Variants in DOCK2 observed in about 807,000 individuals in gnomAD.
DOCK2 encodes dedicator of cytokinesis 2.
In DOCK2, 87 loss-of-function variants were observed where a neutral mutation model predicts 248.9. The observed-to-expected ratio is 0.35, with a 90% CI of 0.29 to 0.42. DOCK2 has a LOEUF of 0.42. Ranked by LOEUF, DOCK2 falls within the 10% of genes least tolerant of loss-of-function variation. DOCK2 has a pLI of 1.00. For synonymous variants in DOCK2, 805 were observed against 821.6 expected (o/e 0.98, Z 0.35); for missense variants, 1,747 against 2,300.2 (o/e 0.76, Z 4.92).
intron 27 of DOCK2, among the ~76,000 whole-genome samples, chr5:169,941,144 A>G (rs1447569985): frequency 6.6e-6 from 1 of 152,154 alleles, no homozygotes; most frequent in Non-Finnish European, 1.5e-5. Flanking sequence ...GTGTCGGGAG[A>G]GCAGATAACA....
At chr5:169,686,441 G>A (rs1759987707) in intron 8 of DOCK2, among the ~76,000 whole-genome samples, 1 of 152,218 alleles carries the variant, frequency 6.6e-6, no homozygotes, top group Admixed American at 6.5e-5. Context: ...CTCTGAGAGT[G>A]CTGGAGACGA....
At chr5:169,694,480 G>C (rs1357949234) in intron 9 of DOCK2, among the ~76,000 whole-genome samples, 1 of 152,228 alleles carries the variant, frequency 6.6e-6, no homozygotes, top group Non-Finnish European at 1.5e-5. Context: ...TTTGGTGTCA[G>C]GGACTGGGCT....
At chr5:169,797,777 GA>G (rs1766744067) in intron 25 of DOCK2, among the ~76,000 whole-genome samples, 1 of 152,144 alleles carries the variant, frequency 6.6e-6, no homozygotes, top group Non-Finnish European at 1.5e-5. Flanking sequence ...TTCAGGGTGT[GA>G]ACTATTTATC....
intron 26 of DOCK2, among the ~76,000 whole-genome samples, chr5:169,805,327 A>G (rs766774214): frequency 6.6e-6 from 1 of 152,018 alleles, no homozygotes; most frequent in Non-Finnish European, 1.5e-5. Context: ...CCTTGAGCCC[A>G]GGAGTTCAAG....
chr5:169,867,784 T>TG (rs1476994686), intron 27 of DOCK2, among the ~76,000 whole-genome samples: 3 of 152,188 alleles, frequency 2.0e-5, no homozygotes, highest in Non-Finnish European at 4.4e-5. Context: ...CCTATTTGTC[T>TG]GGGGTGTGGT....
intron 1 of DOCK2, among the ~76,000 whole-genome samples, chr5:169,652,889 A>G (rs1347026771): frequency 2.0e-5 from 3 of 152,214 alleles, no homozygotes; most frequent in Non-Finnish European, 2.9e-5. Context: ...TTAGACACAG[A>G]GCAGCATTGG....
At chr5:169,734,443 G>A (rs969028687) in intron 22 of DOCK2, among the ~76,000 whole-genome samples, 1 of 152,028 alleles carries the variant, frequency 6.6e-6, no homozygotes, top group Non-Finnish European at 1.5e-5. Flanking sequence ...ATTTCCTAAA[G>A]CTAATTGTCC....
At chr5:169,898,346 C>G (rs1011609179) in intron 27 of DOCK2, among the ~76,000 whole-genome samples, 1 of 152,180 alleles carries the variant, frequency 6.6e-6, no homozygotes, top group African/African-American at 2.4e-5. Context: ...CCCACAGCAG[C>G]CAGGTGTACT....
At position 170,019,089 on chromosome 5, in the gene DOCK2, G is replaced by T; in HGVS notation, c.3362G>T (p.Arg1121Ile). The T allele has an allele frequency of 6.2e-7, 1 of 1,614,032 alleles. No homozygotes were observed. Among genetic ancestry groups the T allele is most frequent in the Non-Finnish European group, 8.5e-7 (1 of 1,179,942 alleles). Residue 1121 changes from arginine (R) to isoleucine (I), a missense_variant, in exon 33 of 52, where the codon AGA becomes ATA. Arg to Ile is a moderately conservative substitution (Grantham distance 97, BLOSUM62 -3). Coordinates refer to ENST00000520908, the MANE Select transcript of DOCK2 (RefSeq NM_004946.3). ...FFDMMLCEYQ[R>I]SGDFKKFENE... ...GACATGATGCTGTGTGAATATCAAA[G>T]AAGTGGGGATTTCAAAAAGGTAAAA...
Position 169,699,453 on chromosome 5 carries a change from G to A in DOCK2, c.1127G>A (p.Gly376Glu), listed in dbSNP as rs1561612531. The change falls in exon 12 of 52, where the codon GGG (glycine) becomes GAG (glutamate). Residue 376 changes from glycine to glutamate, a missense_variant. This residue lies in a region of DOCK2 where 375 missense variants were observed against 510.9 expected (regional missense o/e 0.73). Transcript: ENST00000520908. The stretch of plus-strand genomic sequence containing the variant: ...ATAGCCTCCAAGGGGGACAGTGGAG[G>A]GCAAGGTAAAGTGCCAATATGCCAG... ...KVIASKGDSGGQGLWVTMKML... is the reference protein window; with the variant it reads ...KVIASKGDSGEQGLWVTMKML... The A allele has an allele frequency of 1.2e-6, 2 of 1,612,388 alleles. No homozygotes were observed. The highest frequency in any genetic ancestry group is 1.1e-5 in the South Asian group (1 of 90,856).
chr5:169,894,950 G>A (rs1018275273), intron 27 of DOCK2, among the ~76,000 whole-genome samples: 6 of 152,164 alleles, frequency 3.9e-5, no homozygotes, highest in Non-Finnish European at 7.3e-5. Context: ...GTGGCCCCCC[G>A]TGAGGTCTGC....
At chr5:169,829,659 A>G (rs1769101195) in intron 26 of DOCK2, among the ~76,000 whole-genome samples, 2 of 152,262 alleles carry the variant, frequency 1.3e-5, no homozygotes. Flanking sequence ...AGTATTAAGT[A>G]TCAAAATTGA....
chr5:169,973,316 G>A (rs1313288725), intron 27 of DOCK2, among the ~76,000 whole-genome samples: 1 of 152,128 alleles, frequency 6.6e-6, no homozygotes, highest in African/African-American at 2.4e-5. Context: ...TCCTCTACAA[G>A]TGAACCAGAA....
intron 26 of DOCK2, among the ~76,000 whole-genome samples, chr5:169,828,590 A>AT (rs577132651): frequency 6.3e-4 from 96 of 152,218 alleles, no homozygotes; most frequent in African/African-American, 2.2e-3. Flanking sequence ...GATTAAGGGT[A>AT]TTTTCACTGT....
At chr5:169,947,789 G>A (rs182123174) in intron 27 of DOCK2, among the ~76,000 whole-genome samples, 1 of 152,284 alleles carries the variant, frequency 6.6e-6, no homozygotes, top group African/African-American at 2.4e-5. Flanking sequence ...ATCCTTCACT[G>A]TCATGGTGCC....
chr5:169,681,780 C>A lies in DOCK2; in HGVS notation c.507C>A (p.Asp169Glu). Residue 169 changes from aspartate (D) to glutamate (E), a missense_variant, in exon 7 of 52, where the codon GAC (aspartate) becomes GAA (glutamate). Transcript: ENST00000520908. ...TTGATTTGATTGTCAGAGATGAAGA[C>A]GGAAATATCTTGGACCCTGATAATA... ...LELDLIVRDEDGNILDPDNTS... is the reference protein window; with the variant it reads ...LELDLIVRDEEGNILDPDNTS... 6.2e-7 allele frequency: 1 copy of A among 1,613,388 alleles called. No homozygotes were observed. The highest frequency in any genetic ancestry group is 8.5e-7 in the Non-Finnish European group (1 of 1,179,668).
chr5:169,806,501 G>A (rs1561715338), intron 26 of DOCK2, among the ~76,000 whole-genome samples: 3 of 152,060 alleles, frequency 2.0e-5, no homozygotes, highest in South Asian at 2.1e-4. Flanking sequence ...GTGGGTCCCC[G>A]GTGAAACCCC....
Position 169,718,703 on chromosome 5 carries a change from G to T in DOCK2, c.2179G>T (p.Gly727Trp). The T allele has an allele frequency of 6.2e-7, 1 of 1,613,940 alleles. No individual in the cohort carries two copies. ...GACTTACTTGGATACCTCCAGCAGA[G>T]GGGAGCAATGTGAGCCAATCCTAAG... ...LKTYLDTSSR[G>W]EQCEPILRTL... Residue 727 changes from glycine (G) to tryptophan (W), a missense_variant, in exon 22 of 52, where the codon GGG becomes TGG. Physicochemically the swap from Gly to Trp is radical, Grantham distance 184. Around this residue, in one of 4 missense-constraint regions of DOCK2, gnomAD observed 858 missense variants for 1,183.5 expected, o/e 0.72. Coordinates refer to ENST00000520908, the MANE Select transcript of DOCK2 (RefSeq NM_004946.3).
chr5:169,677,735 C>G (rs575780389), intron 6 of DOCK2, among the ~76,000 whole-genome samples: 51 of 152,282 alleles, frequency 3.3e-4, no homozygotes, highest in Admixed American at 3.0e-3. Flanking sequence ...CTCTGCTGCT[C>G]GCTGCTTGCA....
Sources: allele counts gnomAD v4.1 joint callset (sites outside exome capture counted in the v4.1 genomes callset), GRCh38; gene constraint gnomAD v4.1.1; regional missense constraint gnomAD v4.1.1; transcripts MANE v1.5; gene names NCBI Gene and HGNC (gene_info 2026-07-23, HGNC 2026-07-21).